DRC1: variants seen among roughly 807,000 people sequenced by gnomAD.
The protein encoded by DRC1 is dynein regulatory complex subunit 1, also known as dynein regulatory complex protein 1.
A neutral mutation model predicts 98.7 loss-of-function variants in DRC1; 74 were observed. That is an observed-to-expected ratio of 0.75 (90% CI 0.62 to 0.91). The LOEUF (loss-of-function observed/expected upper bound fraction) is 0.91. DRC1 is among the 40% of genes least tolerant of loss of function. The pLI, the probability that DRC1 is intolerant of heterozygous loss-of-function variation, is 0.00. For synonymous variants in DRC1, 336 were observed against 334.1 expected, an observed-to-expected ratio of 1.01 and a Z score of -0.06; for missense variants, 875 against 886.0, an observed-to-expected ratio of 0.99 and a Z score of 0.16.
At chr2:26,448,513 C>A (rs1183599461) in intron 10 of DRC1, 178 bp from the exon 11 acceptor site, 1 of 736,642 alleles carries the variant, frequency 1.4e-6, no homozygotes, top group Non-Finnish European at 2.5e-6. Context: ...CCCCCTAGCC[C>A]GCCTTCCCGC....
chr2:26,414,115 C>CATTATTATTATTATTATTATT (rs3067393), intron 1 of DRC1, among the ~76,000 whole-genome samples: 2,487 of 144,464 alleles, frequency 0.017, 27 homozygotes, highest in African/African-American at 0.041. Flanking sequence ...ACAATGGAAC[C>CATTATTATTATTATTATTATT]ATTATTATTA....
intron 7 of DRC1, among the ~76,000 whole-genome samples, chr2:26,433,566 T>G (rs1663492104): frequency 1.3e-5 from 2 of 152,260 alleles, no homozygotes; most frequent in African/African-American, 4.8e-5. Flanking sequence ...GAATTTATCT[T>G]GTTTCTGTGA....
intron 9 of DRC1, 79 bp downstream of exon 9, chr2:26,444,435 C>A: frequency 1.3e-6 from 2 of 1,547,938 alleles, no homozygotes; most frequent in South Asian, 1.2e-5. Context: ...GCTGTGATTT[C>A]GTTGGACTTG....
Position 26,438,917 on chromosome 2 carries a change from G to A in DRC1, c.889-1461G>A, listed in dbSNP as rs116458230. Among the ~76,000 whole-genome samples the A allele has an allele frequency of 3.2e-3, 489 of 152,292 alleles. 3 individuals carry two copies. The highest frequency in any genetic ancestry group is 0.011 in the African/African-American group (466 of 41,562). On this transcript the variant is annotated intron_variant, in intron 7 of 16. Transcript: ENST00000288710. Reference sequence around the variant, plus strand: ...TGCATTTCACTCGGGAGAAGCAGGAGCATGCCAGCCTCCAGCCTTGCCTCT... The same window carrying A: ...TGCATTTCACTCGGGAGAAGCAGGAACATGCCAGCCTCCAGCCTTGCCTCT...
intron 7 of DRC1, among the ~76,000 whole-genome samples, chr2:26,435,649 T>C (rs764438382): frequency 3.9e-5 from 6 of 152,218 alleles, no homozygotes; most frequent in Non-Finnish European, 8.8e-5. Flanking sequence ...GTCCCACTTA[T>C]AGTGAGAACA....
chr2:26,429,187 T>TGA (rs1298119438), intron 4 of DRC1, among the ~76,000 whole-genome samples: 7 of 1,078 alleles, frequency 6.5e-3, no homozygotes, highest in South Asian at 0.033. Flanking sequence ...GTACAGATGA[T>TGA]TATTATTATT....
At chr2:26,452,409 G>A (rs1248359951) in intron 13 of DRC1, among the ~76,000 whole-genome samples, 2 of 152,130 alleles carry the variant, frequency 1.3e-5, no homozygotes, top group Non-Finnish European at 2.9e-5. Context: ...ACAGGCACCT[G>A]CCACCACGCC....
chr2:26,454,745 A>G lies in DRC1; in HGVS notation c.2018A>G (p.Lys673Arg), dbSNP rs1350284139. Reference protein sequence around the residue: ...QALTTVIPSSKQNLWDALYTA... With the variant: ...QALTTVIPSSRQNLWDALYTA... ...CTGACCACAGTGATCCCTTCCTCCA[A>G]GCAGAACCTCTGGGATGCCCTCTAC... Residue 673 changes from lysine to arginine, a missense_variant, in exon 15 of 17, where the codon AAG becomes AGG. Coordinates refer to ENST00000288710, the MANE Select transcript of DRC1 (RefSeq NM_145038.5). The surrounding 1 kb of genome is among the most constrained non-coding windows in gnomAD (Gnocchi z 5.2). The G allele has an allele frequency of 1.2e-6, 2 of 1,614,004 alleles. No individual in the cohort carries two copies. Among genetic ancestry groups the G allele is most frequent in the African/African-American group, 1.3e-5 (1 of 74,890 alleles).
intron 10 of DRC1, 51 bp downstream of exon 10, chr2:26,444,999 A>T (rs1663817576): frequency 6.3e-7 from 1 of 1,577,450 alleles, no homozygotes; most frequent in Non-Finnish European, 8.6e-7. Flanking sequence ...CCCCCTGAGA[A>T]CATCGGGTCA....
At chr2:26,447,357 C>T (rs1465628591) in intron 10 of DRC1, among the ~76,000 whole-genome samples, 2 of 151,718 alleles carry the variant, frequency 1.3e-5, no homozygotes, top group East Asian at 3.9e-4. Flanking sequence ...AGGTTGCAGT[C>T]AGCCGAGATT....
intron 2 of DRC1, among the ~76,000 whole-genome samples, chr2:26,420,016 C>T (rs970643376): frequency 2.4e-4 from 36 of 152,098 alleles, no homozygotes; most frequent in Admixed American, 1.0e-3. Context: ...TCAACAGTTC[C>T]GAGTATAAGT....
intron 16 of DRC1, among the ~76,000 whole-genome samples, 176 bp downstream of exon 16, chr2:26,455,409 T>A (rs1001945374): frequency 2.6e-5 from 4 of 152,186 alleles, no homozygotes; most frequent in African/African-American, 9.7e-5. Context: ...AAGGAGTAGA[T>A]CTTGCCTGAA....
intron 4 of DRC1, 142 bp downstream of exon 4, chr2:26,424,596 C>T (rs887657766): frequency 1.3e-5 from 11 of 877,596 alleles, no homozygotes; most frequent in Non-Finnish European, 1.8e-5. Context: ...ATGTTATAAA[C>T]TTTTTTCCAT....
chr2:26,414,374 G>T lies in DRC1; in HGVS notation c.186G>T (p.Lys62Asn). The stretch of plus-strand genomic sequence containing the variant: ...CACTTGGAGAATATTTAGATGGGAA[G>T]AAGGAGAGTGAGGAGGATCAAAGCA... ...REALGEYLDG[K>N]KESEEDQSKS... is the part of the protein sequence containing the mutation. The change falls in exon 2 of 17, where the codon AAG becomes AAT. Residue 62 changes from lysine to asparagine, a missense_variant. Lys to Asn is a moderately conservative substitution (Grantham distance 94, BLOSUM62 0). Transcript: ENST00000288710. The T allele has an allele frequency of 6.2e-7, 1 of 1,613,978 alleles. No individual in the cohort carries two copies. Among genetic ancestry groups the T allele is most frequent in the Non-Finnish European group, 8.5e-7 (1 of 1,179,952 alleles).
chr2:26,453,335 C>CAGGCGAGCATGGAGA lies in DRC1; in HGVS notation c.1720_1734dup (p.Lys574_Glu578dup), dbSNP rs878855222. 2.5e-6 allele frequency: 4 copies of CAGGCGAGCATGGAGA among 1,614,010 alleles called. No individual in the cohort carries two copies. The highest frequency in any genetic ancestry group is 2.7e-5 in the African/African-American group (2 of 74,910). On this transcript the variant is annotated inframe_insertion, in exon 14 of 17. Transcript: ENST00000288710. Reference sequence around the variant, plus strand: ...CTTTCTCCAGATCAAGCCCTGCAGTCAGGCGAGCATGGAGAAGGCGAGCAT... The same window carrying CAGGCGAGCATGGAGA: ...CTTTCTCCAGATCAAGCCCTGCAGTCAGGCGAGCATGGAGAAGGCGAGCATGGAGAAGGCGAGCAT...
chr2:26,438,307 C>A (rs1049764917), intron 7 of DRC1, among the ~76,000 whole-genome samples: 1 of 152,144 alleles, frequency 6.6e-6, no homozygotes, highest in African/African-American at 2.4e-5. Flanking sequence ...CTTGCAGCTT[C>A]TTTCTCCTAT....
chr2:26,422,700 G>A (rs182723170), intron 3 of DRC1, among the ~76,000 whole-genome samples: 223 of 152,280 alleles, frequency 1.5e-3, no homozygotes, highest in African/African-American at 5.2e-3. Flanking sequence ...CGGATTGCTT[G>A]AGGTCAGGAG....
intron 4 of DRC1, among the ~76,000 whole-genome samples, chr2:26,425,411 C>T (rs1663258460): frequency 6.6e-6 from 1 of 152,138 alleles, no homozygotes; most frequent in South Asian, 2.1e-4. Context: ...CTTTGAGATA[C>T]TTCTTTGAAT....
intron 3 of DRC1, among the ~76,000 whole-genome samples, chr2:26,422,689 G>C (rs777890339): frequency 1.3e-5 from 2 of 152,176 alleles, no homozygotes; most frequent in Non-Finnish European, 2.9e-5. Context: ...GCCGAGGAAG[G>C]CGGATTGCTT....
Sources: gnomAD v4.1 joint callset for allele counts (sites outside exome capture counted in the v4.1 genomes callset) on GRCh38, gnomAD v4.1.1 for gene constraint, Gnocchi (gnomAD v3.1) non-coding constraint, MANE v1.5 for transcripts, NCBI Gene and HGNC (gene_info 2026-07-23, HGNC 2026-07-21) for gene names.